The following AIFM3 variants were observed in gnomAD, a reference collection of about 807,000 sequenced individuals.
AIFM3 encodes the protein apoptosis-inducing factor 3.
AIFM3 carries 71 observed loss-of-function variants against 82.7 expected under a neutral mutation model. That is an observed-to-expected ratio of 0.86 (90% CI 0.71 to 1.05). AIFM3 has a LOEUF of 1.05. AIFM3 is among the 50% of genes least tolerant of loss of function. AIFM3 has a pLI of 0.00. For synonymous variants in AIFM3, 337 were observed against 329.1 expected, an observed-to-expected ratio of 1.02 and a Z score of -0.26; for missense variants, 748 against 816.7, an observed-to-expected ratio of 0.92 and a Z score of 1.03.
At position 20,979,270 on chromosome 22, in the gene AIFM3, G is replaced by A; in HGVS notation, c.1478-1G>A. 6.4e-7 allele frequency: 1 copy of A among 1,554,436 alleles called. No individual in the cohort carries two copies. Among genetic ancestry groups the A allele is most frequent in the South Asian group, 1.2e-5 (1 of 84,288 alleles). Reference sequence around the variant, plus strand: ...GGTTCTCACGGCCCTGGGTCCCGCAGGGCGCGTGGCAGCCCAGAACATGTT... The same window carrying A: ...GGTTCTCACGGCCCTGGGTCCCGCAAGGCGCGTGGCAGCCCAGAACATGTT... On this transcript the variant is annotated splice_acceptor_variant, in intron 16 of 20. Coordinates refer to ENST00000440238, the MANE Select transcript of AIFM3 (RefSeq NM_001386814.1). LOFTEE classifies it high-confidence loss of function.
At chr22:20,976,336 C>T (rs1569149078) in intron 10 of AIFM3, 30 bp downstream of exon 10, 2 of 1,613,764 alleles carry the variant, frequency 1.2e-6, no homozygotes, top group Admixed American at 1.7e-5. Flanking sequence ...ACCCATCGGA[C>T]ACTAGGCAGG....
rs1924102621 is a variant in AIFM3, at chr22:20,981,281, T to G, written c.*250T>G. 1 of 565,628 alleles carries G rather than the reference T, an allele frequency of 1.8e-6. No homozygotes were observed. The highest frequency in any genetic ancestry group is 3.0e-5 in the East Asian group (1 of 33,340). 35.0% of individuals were successfully genotyped at this position (565,628 alleles called of 1,614,324 possible). ...CAGGACAAGCCCTGCCTCTTCTCCC[T>G]CTATTGGGACTGGTCCCCTGAAGAA... On this transcript the variant is annotated 3_prime_UTR_variant, in exon 21 of 21. Transcript: ENST00000440238.
chr22:20,972,825 A>G (rs1169025718), intron 2 of AIFM3, among the ~76,000 whole-genome samples: 1 of 152,092 alleles, frequency 6.6e-6, no homozygotes, highest in African/African-American at 2.4e-5. Context: ...CGGGCAGATC[A>G]CTTGAGGTCA....
At position 20,974,762 on chromosome 22, in the gene AIFM3, C is replaced by T. The variant is rs775433268; in HGVS notation, c.666C>T (p.Ile222=). ...GGCAGGAGGGCTTCTCCGACCGGAT[C>T]GTCCTGTGCACGCTAGACCGGCACC... ...TLRQEGFSDR[I]VLCTLDRHLP... is the part of the protein sequence containing the mutation. The change falls in exon 8 of 21, where the codon ATC becomes ATT. Residue 222 remains isoleucine (I), a synonymous_variant. Coordinates refer to ENST00000440238, the MANE Select transcript of AIFM3 (RefSeq NM_001386814.1). 14 of 1,613,526 alleles carry T rather than the reference C, an allele frequency of 8.7e-6. No homozygotes were observed. The East Asian group carries it at 1.3e-4, about 15-fold the overall frequency.
At chr22:20,979,242 T>C (rs1228932279) in intron 16 of AIFM3, 29 bp from the exon 17 acceptor site, 1 of 1,550,798 alleles carries the variant, frequency 6.4e-7, no homozygotes, top group Admixed American at 2.0e-5. Context: ...GAGCGAGAGT[T>C]AGGGTTCTCA....
chr22:20,979,904 C>G, intron 18 of AIFM3, 116 bp from the exon 19 acceptor site: 1 of 1,156,920 alleles, frequency 8.6e-7, no homozygotes, highest in Non-Finnish European at 1.2e-6. Flanking sequence ...TCAGGCCATT[C>G]TTGTTGCCCT....
chr22:20,969,190 C>CTTTAA (rs1344244806), intron 2 of AIFM3, among the ~76,000 whole-genome samples: 46 of 152,356 alleles, frequency 3.0e-4, no homozygotes, highest in African/African-American at 1.1e-3. Context: ...ATGCCACCTG[C>CTTTAA]AGGTTCTTTT....
At chr22:20,969,000 T>G (rs1335079172) in intron 2 of AIFM3, among the ~76,000 whole-genome samples, 1 of 152,190 alleles carries the variant, frequency 6.6e-6, no homozygotes, top group Non-Finnish European at 1.5e-5. Flanking sequence ...GAAGCCACTC[T>G]TCCTCCCCCG....
At chr22:20,971,919 A>T (rs1923288743) in intron 2 of AIFM3, among the ~76,000 whole-genome samples, 1 of 149,330 alleles carries the variant, frequency 6.7e-6, no homozygotes, top group Non-Finnish European at 1.5e-5. Context: ...TCCCCGCTAG[A>T]GCTGGCCCCG....
chr22:20,976,785 C>T lies in AIFM3; in HGVS notation c.1146+19C>T, dbSNP rs754271331. ...CATGAAGGTGAGCCCACCCCAGCAC[C>T]CAGTGCCTTGGAGCCCTGGGGCCCA... On this transcript the variant is annotated intron_variant, in intron 12 of 20. Transcript: ENST00000440238. The T allele has an allele frequency of 1.1e-5, 17 of 1,608,658 alleles. No individual in the cohort carries two copies. In the South Asian group the frequency reaches 1.9e-4, roughly 18 times the overall value.
rs138766186 is a variant in AIFM3 at position 20,977,735 on chromosome 22, G to A, written c.1318G>A (p.Gly440Ser). 35 of 1,614,174 alleles carry A rather than the reference G, an allele frequency of 2.2e-5. 1 individual carries two copies. The African/African-American group carries it at 2.3e-4, about 10-fold the overall frequency. ...CGCCACAGGCTTCCTGAGGCAAAGCGGCATCGGTTTGGATTCCCGAGGCTT... is the reference window on the plus strand; with the variant it reads ...CGCCACAGGCTTCCTGAGGCAAAGCAGCATCGGTTTGGATTCCCGAGGCTT... ...VPATGFLRQS[G>S]IGLDSRGFIP... Residue 440 changes from glycine (G) to serine (S), a missense_variant, in exon 15 of 21, where the codon GGC becomes AGC. Physicochemically the swap from Gly to Ser is moderately conservative, Grantham distance 56. Coordinates refer to ENST00000440238, the MANE Select transcript of AIFM3 (RefSeq NM_001386814.1).
intron 10 of AIFM3, 24 bp downstream of exon 10, chr22:20,976,330 A>G: frequency 6.2e-7 from 1 of 1,613,778 alleles, no homozygotes; most frequent in Non-Finnish European, 8.5e-7. Context: ...CTTTTTACCC[A>G]TCGGACACTA....
intron 2 of AIFM3, among the ~76,000 whole-genome samples, chr22:20,970,348 A>G (rs1318891946): frequency 6.6e-6 from 1 of 152,200 alleles, no homozygotes; most frequent in East Asian, 1.9e-4. Flanking sequence ...GTAAAGTCGC[A>G]TAATCATAGC....
chr22:20,971,182 C>T (rs1490435605), intron 2 of AIFM3, among the ~76,000 whole-genome samples: 1 of 152,240 alleles, frequency 6.6e-6, no homozygotes, highest in Non-Finnish European at 1.5e-5. Context: ...CCCACAGCTT[C>T]CACAGCTGGT....
At chr22:20,971,915 C>A (rs529528185) in intron 2 of AIFM3, among the ~76,000 whole-genome samples, 2 of 151,706 alleles carry the variant, frequency 1.3e-5, no homozygotes, top group African/African-American at 4.8e-5. Flanking sequence ...TCACTCCCCG[C>A]TAGAGCTGGC....
intron 1 of AIFM3, 91 bp from the exon 2 acceptor site, chr22:20,967,714 T>G (rs538843457): frequency 2.5e-5 from 15 of 589,674 alleles, no homozygotes; most frequent in African/African-American, 2.4e-4. Context: ...AATGTAAGAC[T>G]CTTTCCGAAG....
intron 8 of AIFM3, 150 bp from the exon 9 acceptor site, chr22:20,975,542 T>A (rs1052465241): frequency 2.4e-5 from 17 of 716,096 alleles, no homozygotes; most frequent in Admixed American, 6.3e-5. Context: ...AGTGTTGGGA[T>A]CACAGGCATG....
In AIFM3 at chr22:20,981,237, T is replaced by C. The variant is rs914011452; in HGVS notation, c.*206T>C. On this transcript the variant is annotated 3_prime_UTR_variant, in exon 21 of 21. Transcript: ENST00000440238. ...CAACCCTCAAGGCCTCTGCTGCCACTGACAGCTGGCACTGGAGGCAGGACA... is the reference window on the plus strand; with the variant it reads ...CAACCCTCAAGGCCTCTGCTGCCACCGACAGCTGGCACTGGAGGCAGGACA... 40 of 641,136 alleles carry C rather than the reference T, an allele frequency of 6.2e-5. No homozygotes were observed. The highest frequency in any genetic ancestry group is 1.0e-4 in the Non-Finnish European group (38 of 374,752). 39.7% of individuals were successfully genotyped at this position (641,136 alleles called of 1,614,324 possible). A position where few individuals can be genotyped will look rare whatever the true frequency, so the allele number is the denominator to read the frequency against.
chr22:20,981,241 A>G lies in AIFM3; in HGVS notation c.*210A>G. ...CCTCAAGGCCTCTGCTGCCACTGAC[A>G]GCTGGCACTGGAGGCAGGACAAGCC... On this transcript the variant is annotated 3_prime_UTR_variant, in exon 21 of 21. Transcript: ENST00000440238. 1.6e-6 allele frequency: 1 copy of G among 630,450 alleles called. No homozygotes were observed. The highest frequency in any genetic ancestry group is 2.7e-6 in the Non-Finnish European group (1 of 365,242). 39.1% of individuals were successfully genotyped at this position (630,450 alleles called of 1,614,324 possible).
Sources: gnomAD v4.1 joint callset for allele counts (sites outside exome capture counted in the v4.1 genomes callset) on GRCh38, gnomAD v4.1.1 for gene constraint, MANE v1.5 for transcripts, NCBI Gene and HGNC (gene_info 2026-07-23, HGNC 2026-07-21) for gene names.